The following PRKG2 variants were observed in gnomAD, a reference collection of about 807,000 sequenced individuals.
PRKG2 encodes cGMP-dependent protein kinase 2.
A neutral mutation model predicts 97.2 loss-of-function variants in PRKG2; 33 were observed. That is an observed-to-expected ratio of 0.34 (90% confidence interval 0.26 to 0.45). PRKG2 has a LOEUF of 0.45. Ranked by LOEUF, PRKG2 falls within the 20% of genes least tolerant of loss-of-function variation. The pLI is 1.00. For synonymous variants in PRKG2, 330 were observed against 321.8 expected, an observed-to-expected ratio of 1.03 and a Z score of -0.27; for missense variants, 638 against 900.0, an observed-to-expected ratio of 0.71 and a Z score of 3.73.
At chr4:81,129,479 T>C (rs1745942437) in intron 14 of PRKG2, among the ~76,000 whole-genome samples, 2 of 152,196 alleles carry the variant, frequency 1.3e-5, no homozygotes, top group Admixed American at 1.3e-4. Flanking sequence ...AGTCTCTTTG[T>C]AGGTCTGTAA....
intron 15 of PRKG2, among the ~76,000 whole-genome samples, chr4:81,107,862 T>C (rs1387720718): frequency 6.6e-6 from 1 of 152,284 alleles, no homozygotes; most frequent in Non-Finnish European, 1.5e-5. Context: ...AGACTGAGAA[T>C]TGGCCACTGA....
At chr4:81,175,084 C>G in intron 2 of PRKG2, 125 bp from the exon 3 acceptor site, 1 of 872,968 alleles carries the variant, frequency 1.1e-6, no homozygotes, top group Non-Finnish European at 1.6e-6. Flanking sequence ...CAAGAACAAC[C>G]TTTTTCTAAC....
intron 2 of PRKG2, among the ~76,000 whole-genome samples, chr4:81,188,403 G>T (rs1365142403): frequency 7.0e-6 from 1 of 143,596 alleles, no homozygotes; most frequent in East Asian, 2.1e-4. Flanking sequence ...GGAGAAATAG[G>T]AACACTTTGA....
chr4:81,158,861 T>C (rs1749351452), intron 6 of PRKG2, among the ~76,000 whole-genome samples: 1 of 151,872 alleles, frequency 6.6e-6, no homozygotes, highest in South Asian at 2.1e-4. Context: ...GATTCCCTAT[T>C]TACTAAATGG....
intron 2 of PRKG2, among the ~76,000 whole-genome samples, chr4:81,192,686 T>C (rs991563591): frequency 3.9e-5 from 6 of 152,134 alleles, no homozygotes; most frequent in Non-Finnish European, 5.9e-5. Flanking sequence ...ATGGTAGTCA[T>C]AGTAGCTGGA....
rs562709426 is a variant in PRKG2, at chr4:81,139,511, T to C, written c.1544+1022A>G. Among the ~76,000 whole-genome samples the C allele has an allele frequency of 2.0e-5, 3 of 152,012 alleles. No individual in the cohort carries two copies. The South Asian group carries it at 6.2e-4, about 32-fold the overall frequency. Reference sequence around the variant, plus strand: ...GGCTGGGCGCAGTGGCTCACGCCTGTAATCCCAGCACTTTGGGAGGCCGAG... The same window carrying C: ...GGCTGGGCGCAGTGGCTCACGCCTGCAATCCCAGCACTTTGGGAGGCCGAG... On this transcript the variant is annotated intron_variant, in intron 12 of 18. Coordinates refer to ENST00000264399, the MANE Select transcript of PRKG2 (RefSeq NM_006259.3).
At chr4:81,102,336 T>C (rs1034301616) in intron 17 of PRKG2, among the ~76,000 whole-genome samples, 1 of 152,298 alleles carries the variant, frequency 6.6e-6, no homozygotes, top group South Asian at 2.1e-4. Flanking sequence ...ATCACTTCTA[T>C]TTCCCAGCTA....
At chr4:81,191,981 C>T (rs897747362) in intron 2 of PRKG2, among the ~76,000 whole-genome samples, 1 of 152,120 alleles carries the variant, frequency 6.6e-6, no homozygotes, top group Non-Finnish European at 1.5e-5. Context: ...TAGGTTTATA[C>T]CCATCATAAT....
At position 81,152,013 on chromosome 4, in the gene PRKG2, C is replaced by T; in HGVS notation, c.1032G>A (p.Gln344=). Residue 344 remains glutamine, a synonymous_variant, in exon 8 of 19, where the codon CAG becomes CAA. Coordinates refer to ENST00000264399, the MANE Select transcript of PRKG2 (RefSeq NM_006259.3). ...TQSTEGHDQP[Q]LIKTLQKGEY... is the part of the protein sequence containing the mutation. ...CTCCTTTCTGCAGTGTTTTTATCAGCTGTGGTTGATCATGGCCTTCTGTGC... is the reference window on the plus strand; with the variant it reads ...CTCCTTTCTGCAGTGTTTTTATCAGTTGTGGTTGATCATGGCCTTCTGTGC... 1.2e-6 allele frequency: 2 copies of T among 1,613,336 alleles called. No individual in the cohort carries two copies. Among genetic ancestry groups the T allele is most frequent in the Non-Finnish European group, 1.7e-6 (2 of 1,179,568 alleles).
At chr4:81,190,894 T>C (rs895232328) in intron 2 of PRKG2, among the ~76,000 whole-genome samples, 2 of 152,118 alleles carry the variant, frequency 1.3e-5, no homozygotes, top group African/African-American at 4.8e-5. Flanking sequence ...TGCCATCTCA[T>C]GCCAGGTAGA....
intron 4 of PRKG2, among the ~76,000 whole-genome samples, chr4:81,170,807 C>A (rs181059621): frequency 1.9e-3 from 295 of 152,090 alleles, no homozygotes; most frequent in Admixed American, 5.7e-3. Context: ...GATACATTTT[C>A]ATTGGTTTAA....
At chr4:81,128,226 G>A (rs909628720) in intron 14 of PRKG2, among the ~76,000 whole-genome samples, 1 of 152,108 alleles carries the variant, frequency 6.6e-6, no homozygotes. Context: ...TGCTGGATTC[G>A]GTTTGCCAGT....
upstream of PRKG2, among the ~76,000 whole-genome samples, chr4:81,216,857 G>C (rs1274265391): frequency 6.7e-6 from 1 of 148,850 alleles, no homozygotes; most frequent in Admixed American, 6.7e-5. Flanking sequence ...CAAAAGATAT[G>C]ATTTCATTGT....
chr4:81,169,714 A>G lies in PRKG2; in HGVS notation c.797T>C (p.Met266Thr), dbSNP rs367712750. The G allele has an allele frequency of 6.2e-7, 1 of 1,610,504 alleles. No homozygotes were observed. Among genetic ancestry groups the G allele is most frequent in the East Asian group, 2.2e-5 (1 of 44,734 alleles). Residue 266 changes from methionine (M) to threonine (T), a missense_variant, in exon 5 of 19, where the codon ATG becomes ACG. This residue lies in a region of PRKG2 where 332 missense variants were observed against 421.7 expected (regional missense o/e 0.79). Coordinates refer to ENST00000264399, the MANE Select transcript of PRKG2 (RefSeq NM_006259.3). ...ALDREVFQNI[M>T]RRTAQARDEQ... ...ATCTCTAGCTTGGGCTGTCCTCCTCATTATATTCTGGAATACCTCTCGATC... is the reference window on the plus strand; with the variant it reads ...ATCTCTAGCTTGGGCTGTCCTCCTCGTTATATTCTGGAATACCTCTCGATC...
chr4:81,181,365 C>T (rs1751392956), intron 2 of PRKG2, among the ~76,000 whole-genome samples: 1 of 151,386 alleles, frequency 6.6e-6, no homozygotes. Flanking sequence ...TGACATAAAA[C>T]TTGTAAGATG....
Position 81,140,557 on chromosome 4 carries a change from T to C in PRKG2, c.1520A>G (p.Glu507Gly). The C allele has an allele frequency of 6.2e-7, 1 of 1,605,718 alleles. No homozygotes were observed. ...CTTCACAATGAATGGAGAGCACAGCTCCTCTAGGATCCTCTTCTCTGAGTA... is the reference window on the plus strand; with the variant it reads ...CTTCACAATGAATGGAGAGCACAGCCCCTCTAGGATCCTCTTCTCTGAGTA... The part of the protein sequence containing the change: ...HVYSEKRILE[E>G]LCSPFIVKLY... Residue 507 changes from glutamate (E) to glycine (G), a missense_variant, in exon 12 of 19, where the codon GAG (glutamate) becomes GGG (glycine). By Grantham distance (98) the Glu-to-Gly change is moderately conservative. Transcript: ENST00000264399.
At chr4:81,097,634 T>C (rs1742262643) in intron 17 of PRKG2, among the ~76,000 whole-genome samples, 2 of 152,200 alleles carry the variant, frequency 1.3e-5, no homozygotes, top group African/African-American at 4.8e-5. Flanking sequence ...TGAAAATCTG[T>C]TGTTTATGTA....
In PRKG2 at chr4:81,144,275, A is replaced by G; in HGVS notation, c.1210T>C (p.Tyr404His). Residue 404 changes from tyrosine (Y) to histidine (H), a missense_variant, in exon 10 of 19, where the codon TAT becomes CAT. By Grantham distance (83) the Tyr-to-His change is moderately conservative. This residue lies in a region of PRKG2 where 304 missense variants were observed against 460.5 expected (regional missense o/e 0.66). Transcript: ENST00000264399. The part of the protein sequence containing the change: ...FEELQKYLEG[Y>H]VANLNRDDEK... ...TCATCACGGTTCAGGTTTGCCACAT[A>G]TCCTTCAAGGTATTTTTGCAGCTCT... 1 of 1,612,682 alleles carries G rather than the reference A, an allele frequency of 6.2e-7. No individual in the cohort carries two copies. Among genetic ancestry groups the G allele is most frequent in the Non-Finnish European group, 8.5e-7 (1 of 1,178,808 alleles).
chr4:81,215,492 T>C (rs1201644757), upstream of PRKG2, among the ~76,000 whole-genome samples: 1 of 152,176 alleles, frequency 6.6e-6, no homozygotes, highest in Non-Finnish European at 1.5e-5. Context: ...TTCAAGTGTG[T>C]GGGACGAGGG....
Sources: gnomAD v4.1 joint callset for allele counts (sites outside exome capture counted in the v4.1 genomes callset) on GRCh38, gnomAD v4.1.1 for gene constraint, gnomAD v4.1.1 regional missense constraint, MANE v1.5 for transcripts, NCBI Gene and HGNC (gene_info 2026-07-23, HGNC 2026-07-21) for gene names.